The following PKP2 variants were observed in gnomAD, a reference collection of about 807,000 sequenced individuals.
PKP2 encodes plakophilin 2.
In PKP2, 73 loss-of-function variants were observed where a neutral mutation model predicts 83.4. The observed-to-expected ratio is 0.88, with a 90% CI of 0.72 to 1.06. The LOEUF is 1.06. PKP2 is among the 50% of genes least tolerant of loss of function. The pLI is 0.00. For missense variants in PKP2, 966 were observed against 1,065.4 expected, an observed-to-expected ratio of 0.91 and a Z score of 1.30; for synonymous variants, 409 against 430.4, an observed-to-expected ratio of 0.95 and a Z score of 0.62.
rs1956075298 is a variant in PKP2, at chr12:32,792,291, T to C, written c.*133A>G. ...ATAAAATTATGTTCTATTTGTTTTC[T>C]GGATTCAGGGGACCACGGAAATAGA... On this transcript the variant is annotated 3_prime_UTR_variant, in exon 13 of 13. Coordinates refer to ENST00000340811, the MANE Select transcript of PKP2 (RefSeq NM_001005242.3). 8 of 746,906 alleles carry C rather than the reference T, an allele frequency of 1.1e-5. No homozygotes were observed. In the South Asian group the frequency reaches 1.2e-4, roughly 11 times the overall value. 46.3% of individuals were successfully genotyped at this position (746,906 alleles called of 1,614,324 possible).
chr12:32,882,324 G>A (rs1178240540), intron 1 of PKP2, among the ~76,000 whole-genome samples: 1 of 152,008 alleles, frequency 6.6e-6, no homozygotes, highest in Non-Finnish European at 1.5e-5. Context: ...TAATAAAACG[G>A]CAGGTGATGA....
intron 6 of PKP2, among the ~76,000 whole-genome samples, chr12:32,830,475 G>A (rs1022397134): frequency 6.6e-6 from 1 of 152,158 alleles, no homozygotes; most frequent in Non-Finnish European, 1.5e-5. Context: ...GAGAACATTG[G>A]GAGGTAGAAC....
chr12:32,878,893 C>G, intron 2 of PKP2, 27 bp downstream of exon 2: 1 of 1,135,414 alleles, frequency 8.8e-7, no homozygotes, highest in Admixed American at 1.7e-5. Context: ...AATCTGATCA[C>G]TAGGGTTACA....
intron 5 of PKP2, among the ~76,000 whole-genome samples, chr12:32,843,946 C>A (rs924993568): frequency 6.6e-6 from 1 of 152,174 alleles, no homozygotes; most frequent in African/African-American, 2.4e-5. Flanking sequence ...TCTCTGCCTG[C>A]CAGAAGCTTA....
At chr12:32,830,372 C>T (rs1211537344) in intron 6 of PKP2, among the ~76,000 whole-genome samples, 1 of 152,104 alleles carries the variant, frequency 6.6e-6, no homozygotes, top group Non-Finnish European at 1.5e-5. Flanking sequence ...AACTCGATGC[C>T]AAAAGAAGGC....
At chr12:32,826,400 T>C (rs184305434) in intron 6 of PKP2, among the ~76,000 whole-genome samples, 179 of 151,842 alleles carry the variant, frequency 1.2e-3, no homozygotes, top group African/African-American at 4.2e-3. Flanking sequence ...TAGGTTGAAC[T>C]CTGGAAACTG....
chr12:32,851,613 C>T (rs920942212), intron 4 of PKP2, among the ~76,000 whole-genome samples: 7 of 152,046 alleles, frequency 4.6e-5, no homozygotes, highest in African/African-American at 1.7e-4. Flanking sequence ...GGACTACAGG[C>T]GCCCGCCACC....
chr12:32,854,767 T>A (rs943073846), intron 4 of PKP2, among the ~76,000 whole-genome samples: 2 of 152,262 alleles, frequency 1.3e-5, no homozygotes, highest in African/African-American at 4.8e-5. Context: ...TTTAACTCTC[T>A]CTGTGGCTTT....
In PKP2 at chr12:32,802,402, C is replaced by CT; in HGVS notation, c.2167_2167+1insA (p.Ala723AspfsTer7). The CT allele has an allele frequency of 6.2e-7, 1 of 1,613,934 alleles. No individual in the cohort carries two copies. Among genetic ancestry groups the CT allele is most frequent in the Non-Finnish European group, 8.5e-7 (1 of 1,179,894 alleles). The stretch of plus-strand genomic sequence containing the variant: ...ACACATAGATACTTATACCGACTCA[C>CT]CAATTTCATTCTGCAGAGAAAGATT... On this transcript the variant is annotated frameshift_variant and splice_region_variant. Transcript: ENST00000340811. LOFTEE classifies it high-confidence loss of function.
chr12:32,862,641 G>A (rs757103884), intron 4 of PKP2, among the ~76,000 whole-genome samples: 15 of 150,392 alleles, frequency 1.0e-4, no homozygotes, highest in Non-Finnish European at 1.8e-4. Flanking sequence ...GCGAAACTCC[G>A]TCTCAAAAAG....
At chr12:32,796,440 T>G in intron 10 of PKP2, 142 bp from the exon 11 acceptor site, 1 of 753,660 alleles carries the variant, frequency 1.3e-6, no homozygotes, top group Admixed American at 2.3e-5. Flanking sequence ...TGGAGTGCAG[T>G]GGCACCATCT....
intron 4 of PKP2, among the ~76,000 whole-genome samples, chr12:32,866,310 T>C (rs915978687): frequency 2.0e-5 from 3 of 152,042 alleles, no homozygotes; most frequent in Non-Finnish European, 4.4e-5. Flanking sequence ...CCCATCACTT[T>C]GGGAGGCCAA....
chr12:32,882,867 C>T (rs1956998423), intron 1 of PKP2, among the ~76,000 whole-genome samples: 1 of 152,154 alleles, frequency 6.6e-6, no homozygotes, highest in Non-Finnish European at 1.5e-5. Flanking sequence ...CTCCTTTCCC[C>T]TGGTCTCTGC....
intron 9 of PKP2, among the ~76,000 whole-genome samples, chr12:32,819,003 T>G (rs1956346938): frequency 6.6e-6 from 1 of 151,960 alleles, no homozygotes; most frequent in Non-Finnish European, 1.5e-5. Flanking sequence ...GGAGGCTGAG[T>G]GCGGTGGCTC....
chr12:32,804,981 T>C (rs534593742), intron 9 of PKP2, among the ~76,000 whole-genome samples: 1 of 152,202 alleles, frequency 6.6e-6, no homozygotes, highest in South Asian at 2.1e-4. Flanking sequence ...TTTGACTTTT[T>C]AATAATCACC....
intron 9 of PKP2, 128 bp from the exon 10 acceptor site, chr12:32,802,684 AGTCTCTCTCT>A: frequency 1.2e-6 from 1 of 849,298 alleles, no homozygotes; most frequent in Non-Finnish European, 1.9e-6. Flanking sequence ...TTTGAGACAA[AGTCTCTCTCT>A]GTCATTCAGG....
intron 1 of PKP2, chr12:32,893,911 C>CTTTTTTTTTTTTTT (rs138765604): frequency 1.2e-5 from 1 of 81,772 alleles, no homozygotes; most frequent in Non-Finnish European, 2.1e-5. Flanking sequence ...GAGTAACTTA[C>CTTTTTTTTTTTTTT]TTTTTTTTTT....
intron 5 of PKP2, among the ~76,000 whole-genome samples, chr12:32,848,964 G>C (rs899075418): frequency 6.9e-5 from 10 of 144,522 alleles, no homozygotes; most frequent in South Asian, 2.2e-4. Flanking sequence ...GAGTATTTCC[G>C]TTAAAAGTAT....
intron 1 of PKP2, among the ~76,000 whole-genome samples, chr12:32,880,581 C>T (rs1029817561): frequency 1.3e-5 from 2 of 152,124 alleles, no homozygotes; most frequent in African/African-American, 4.8e-5. Context: ...CACCTGGCCC[C>T]TCTTTTGTTT....
Sources: allele counts gnomAD v4.1 joint callset (sites outside exome capture counted in the v4.1 genomes callset), GRCh38; gene constraint gnomAD v4.1.1; transcripts MANE v1.5; gene names NCBI Gene and HGNC (gene_info 2026-07-23, HGNC 2026-07-21).